Variants in FANCD2 observed in about 807,000 individuals in gnomAD.
FANCD2 encodes FA complementation group D2, also known as Fanconi anemia group D2 protein.
A neutral mutation model predicts 192.3 loss-of-function variants in FANCD2; 131 were observed. That is an observed-to-expected ratio of 0.68 (90% confidence interval 0.59 to 0.79). The LOEUF (loss-of-function observed/expected upper bound fraction) is 0.79. FANCD2 is among the 30% of genes least tolerant of loss of function. FANCD2 has a pLI of 0.00. For missense variants in FANCD2, 1,508 were observed against 1,701.6 expected (o/e 0.89, Z 2.00); for synonymous variants, 524 against 612.5 (o/e 0.86, Z 2.13).
chr3:10,053,400 A>C (rs2125013551), intron 18 of FANCD2, among the ~76,000 whole-genome samples: 1 of 150,644 alleles, frequency 6.6e-6, no homozygotes, highest in African/African-American at 2.4e-5. Context: ...GGCGGGAGGG[A>C]TAGCATTGGG....
rs2087247708 is a variant in FANCD2 at position 10,052,507 on chromosome 3, A to G, written c.1656+10A>G. 6.3e-7 allele frequency: 1 copy of G among 1,586,702 alleles called. No individual in the cohort carries two copies. Among genetic ancestry groups the G allele is most frequent in the African/African-American group, 1.4e-5 (1 of 72,948 alleles). On this transcript the variant is annotated intron_variant, in intron 18 of 43. Coordinates refer to ENST00000675286, the MANE Select transcript of FANCD2 (RefSeq NM_001018115.3). ...CAGCAGCCACATCCAGGTAAGAGGCAATATGTTGGGAAAGATTTTTTTTTT... is the reference window on the plus strand; with the variant it reads ...CAGCAGCCACATCCAGGTAAGAGGCGATATGTTGGGAAAGATTTTTTTTTT...
chr3:10,065,078 A>G (rs1430673315), intron 23 of FANCD2, among the ~76,000 whole-genome samples: 1 of 152,058 alleles, frequency 6.6e-6, no homozygotes, highest in South Asian at 2.1e-4. Flanking sequence ...GAGCCAACAG[A>G]TATTCTGAGA....
At position 10,081,471 on chromosome 3, in the gene FANCD2, A is replaced by G. The variant is rs367816407; in HGVS notation, c.3224+7A>G. On this transcript the variant is annotated splice_region_variant and intron_variant, in intron 32 of 43. Transcript: ENST00000675286. The stretch of plus-strand genomic sequence containing the variant: ...TTCATGGGCTTTTTGCTTGGTAAGT[A>G]TGTGGGAAGTGTGGAGAGAACTGAG... 8.2e-6 allele frequency: 13 copies of G among 1,579,554 alleles called. No homozygotes were observed. In the African/African-American group the frequency reaches 9.4e-5, roughly 11 times the overall value.
intron 34 of FANCD2, 77 bp from the exon 35 acceptor site, chr3:10,088,372 T>A (rs1355850236): frequency 1.1e-6 from 1 of 895,670 alleles, no homozygotes; most frequent in Non-Finnish European, 1.9e-6. Context: ...TGATCAATAA[T>A]CATCCTCAAA....
chr3:10,076,765 C>T (rs1312178100), intron 29 of FANCD2, among the ~76,000 whole-genome samples: 1 of 151,994 alleles, frequency 6.6e-6, no homozygotes, highest in Non-Finnish European at 1.5e-5. Flanking sequence ...TTGCTCTGTC[C>T]GTCAGTCTGG....
chr3:10,054,212 AAAATAAAT>A (rs935293858), intron 18 of FANCD2, among the ~76,000 whole-genome samples: 20 of 150,930 alleles, frequency 1.3e-4, no homozygotes, highest in Non-Finnish European at 2.8e-4. Flanking sequence ...ACTCTATCTC[AAAATAAAT>A]AAATAAATAA....
chr3:10,032,527 G>A (rs1175409857), intron 2 of FANCD2: 3 of 345,070 alleles, frequency 8.7e-6, no homozygotes, highest in African/African-American at 2.2e-5. Flanking sequence ...GGCTGGTCTT[G>A]AACTCCTGGC....
At chr3:10,051,161 A>G (rs1368665489) in intron 17 of FANCD2, among the ~76,000 whole-genome samples, 1 of 151,228 alleles carries the variant, frequency 6.6e-6, no homozygotes, top group Non-Finnish European at 1.5e-5. Flanking sequence ...TGGGCGGATC[A>G]CGAGGTCAGG....
intron 2 of FANCD2, among the ~76,000 whole-genome samples, chr3:10,032,140 G>T (rs6414438): frequency 6.6e-6 from 1 of 151,758 alleles, no homozygotes; most frequent in South Asian, 2.1e-4. Context: ...CCACTGTGCT[G>T]GGTCGGAAAT....
At chr3:10,062,580 T>C (rs937901833) in intron 20 of FANCD2, among the ~76,000 whole-genome samples, 2 of 152,164 alleles carry the variant, frequency 1.3e-5, no homozygotes, top group African/African-American at 4.8e-5. Context: ...TATGAGTAAC[T>C]GAAGAATTGC....
At chr3:10,087,657 T>C (rs958755912) in intron 34 of FANCD2, among the ~76,000 whole-genome samples, 2 of 151,278 alleles carry the variant, frequency 1.3e-5, no homozygotes, top group Non-Finnish European at 3.0e-5. Context: ...GGCCTTTTTC[T>C]TTTTTTTTGA....
At position 10,085,847 on chromosome 3, in the gene FANCD2, T is replaced by G; in HGVS notation, c.3260T>G (p.Leu1087Arg). The change falls in exon 33 of 44, where the codon CTG (leucine) becomes CGG (arginine). Residue 1087 changes from leucine (L) to arginine (R), a missense_variant. Leu to Arg is a moderately radical substitution (Grantham distance 102, BLOSUM62 -2). Around this residue, in one of 5 missense-constraint regions of FANCD2, gnomAD observed 796 missense variants for 879.4 expected, o/e 0.91. Coordinates refer to ENST00000675286, the MANE Select transcript of FANCD2 (RefSeq NM_001018115.3). Reference sequence around the variant, plus strand: ...TCTCAACCTGAAAATCAGAATTTACTGTATTCAGCCCTCCATGTCCTTAGT... The same window carrying G: ...TCTCAACCTGAAAATCAGAATTTACGGTATTCAGCCCTCCATGTCCTTAGT... ...GFSQPENQNL[L>R]YSALHVLSSR... The G allele has an allele frequency of 3.7e-6, 6 of 1,613,810 alleles. No individual in the cohort carries two copies. The highest frequency in any genetic ancestry group is 5.1e-6 in the Non-Finnish European group (6 of 1,179,736).
chr3:10,060,136 T>TA (rs2087522956), intron 18 of FANCD2, among the ~76,000 whole-genome samples, 158 bp from the exon 19 acceptor site: 2 of 143,970 alleles, frequency 1.4e-5, no homozygotes, highest in African/African-American at 2.6e-5. Flanking sequence ...CTTTGCACTC[T>TA]AGCCTAGGCA....
At chr3:10,047,239 T>C (rs1183278190) in intron 15 of FANCD2, among the ~76,000 whole-genome samples, 2 of 152,418 alleles carry the variant, frequency 1.3e-5, no homozygotes, top group East Asian at 1.9e-4. Flanking sequence ...ACGGTTGTAT[T>C]ATTTTATCTT....
At chr3:10,074,934 C>A (rs184227835) in intron 29 of FANCD2, among the ~76,000 whole-genome samples, 5 of 151,976 alleles carry the variant, frequency 3.3e-5, no homozygotes, top group Admixed American at 3.3e-4. Context: ...ACTACTACTA[C>A]TAATAAGCTA....
chr3:10,091,478 A>G (rs113549347), intron 37 of FANCD2, among the ~76,000 whole-genome samples: 4,892 of 147,880 alleles, frequency 0.033, 243 homozygotes, highest in African/African-American at 0.11. Flanking sequence ...TCTCAAAAAG[A>G]AAAAAAAAAG....
intron 43 of FANCD2, 108 bp from the exon 44 acceptor site, chr3:10,101,080 G>T: frequency 3.8e-6 from 3 of 794,720 alleles, no homozygotes; most frequent in Non-Finnish European, 4.1e-6. Flanking sequence ...AAAAAAAAAA[G>T]TTTTAACAGT....
intron 36 of FANCD2, among the ~76,000 whole-genome samples, chr3:10,089,383 T>C (rs190785362): frequency 4.6e-5 from 7 of 152,314 alleles, no homozygotes; most frequent in Admixed American, 4.6e-4. Context: ...ACAGTAGATA[T>C]AATCATTCAT....
rs751294144 is a variant in FANCD2 at position 10,062,260 on chromosome 3, T to G, written c.1827+49T>G. ...TCTTTTTCCTGTCTTTTTTTTTTTT[T>G]TAGAGAGTCTCGCTCTGTCACCCAA... On this transcript the variant is annotated intron_variant, in intron 20 of 43. Transcript: ENST00000675286. The G allele has an allele frequency of 9.5e-6, 14 of 1,469,882 alleles. No homozygotes were observed. The South Asian group carries it at 1.6e-4, about 17-fold the overall frequency. 91.1% of individuals were successfully genotyped at this position (1,469,882 alleles called of 1,614,324 possible). A position where few individuals can be genotyped will look rare whatever the true frequency, so the allele number is the denominator to read the frequency against.
Sources: gnomAD v4.1 joint callset for allele counts (sites outside exome capture counted in the v4.1 genomes callset) on GRCh38, gnomAD v4.1.1 for gene constraint, gnomAD v4.1.1 regional missense constraint, MANE v1.5 for transcripts, NCBI Gene and HGNC (gene_info 2026-07-23, HGNC 2026-07-21) for gene names.